Variants in AFM observed in about 807,000 individuals in gnomAD.
AFM encodes the protein alpha-Alb.
AFM carries 82 observed loss-of-function variants against 68.7 expected under a neutral mutation model. The ratio of observed to expected loss-of-function variants is 1.19; its 90% CI spans 1.00 to 1.43. AFM has a LOEUF of 1.43. Among genes scored for constraint, AFM ranks in the 40% most tolerant of loss-of-function variants. The pLI is 0.00. For missense variants in AFM, 772 were observed against 701.8 expected (o/e 1.10, Z -1.13); for synonymous variants, 250 against 234.2 (o/e 1.07, Z -0.61).
chr4:73,500,303 G>A lies in AFM; in HGVS notation c.1646+76G>A, dbSNP rs114916014. On this transcript the variant is annotated intron_variant, in intron 12 of 14. Coordinates refer to ENST00000226355, the MANE Select transcript of AFM (RefSeq NM_001133.2). ...ATGTATTAGTGAGAAGGTTTATCTAGTGGATATGTCTTTTTGATATCACAA... is the reference window on the plus strand; with the variant it reads ...ATGTATTAGTGAGAAGGTTTATCTAATGGATATGTCTTTTTGATATCACAA... 4.4e-3 allele frequency: 5,518 copies of A among 1,254,496 alleles called. 22 individuals are homozygous for A. The highest frequency in any genetic ancestry group is 5.5e-3 in the Non-Finnish European group (4,908 of 896,190). 77.7% of individuals were successfully genotyped at this position (1,254,496 alleles called of 1,614,324 possible).
intron 11 of AFM, among the ~76,000 whole-genome samples, chr4:73,499,772 G>A (rs187693078): frequency 1.3e-5 from 2 of 152,196 alleles, no homozygotes; most frequent in African/African-American, 4.8e-5. Flanking sequence ...ATGCCACCAA[G>A]AAATTAATTT....
chr4:73,486,152 A>T, intron 4 of AFM, 79 bp downstream of exon 4: 1 of 1,168,532 alleles, frequency 8.6e-7, no homozygotes, highest in Non-Finnish European at 1.2e-6. Context: ...TCAAATAAAT[A>T]TGGCTGGGTT....
At chr4:73,487,192 A>G (rs752982116) in intron 5 of AFM, 93 bp downstream of exon 5, 120 of 1,359,950 alleles carry the variant, frequency 8.8e-5, no homozygotes, top group Non-Finnish European at 1.1e-4. Context: ...AGGCTTGCTT[A>G]CCATATATGA....
chr4:73,489,684 C>T (rs1721012498), intron 7 of AFM, among the ~76,000 whole-genome samples: 1 of 152,116 alleles, frequency 6.6e-6, no homozygotes, highest in African/African-American at 2.4e-5. Context: ...AAGTGATTTT[C>T]CAAGGAAAAG....
chr4:73,491,649 T>C (rs956280769), intron 7 of AFM, among the ~76,000 whole-genome samples: 2 of 152,200 alleles, frequency 1.3e-5, no homozygotes, highest in Non-Finnish European at 2.9e-5. Flanking sequence ...GTACAGCCTA[T>C]TTTTTCATAA....
At chr4:73,482,004 A>G (rs1720728232) in intron 1 of AFM, 141 bp downstream of exon 1, 2 of 612,934 alleles carry the variant, frequency 3.3e-6, no homozygotes, top group South Asian at 4.2e-5. Flanking sequence ...CCAGTTATCC[A>G]AAACTAACCT....
intron 4 of AFM, 130 bp downstream of exon 4, chr4:73,486,203 A>G: frequency 1.3e-6 from 1 of 797,096 alleles, no homozygotes; most frequent in Non-Finnish European, 2.0e-6. Context: ...TTCAAAACAT[A>G]CTGTGTGTCA....
At chr4:73,495,230 T>C in intron 8 of AFM, 70 bp from the exon 9 acceptor site, 1 of 1,438,500 alleles carries the variant, frequency 7.0e-7, no homozygotes, top group Non-Finnish European at 9.3e-7. Context: ...CTGACTGGAT[T>C]ACAAAATAGT....
intron 1 of AFM, among the ~76,000 whole-genome samples, chr4:73,482,582 G>C (rs557923117): frequency 6.6e-6 from 1 of 152,278 alleles, no homozygotes; most frequent in East Asian, 1.9e-4. Context: ...TCATTTCTGA[G>C]TTTTCCTGCT....
At chr4:73,485,590 A>AGAAGAGGAAGAGGAAGAG (rs144414208) in intron 3 of AFM, among the ~76,000 whole-genome samples, 1 of 137,390 alleles carries the variant, frequency 7.3e-6, no homozygotes, top group Non-Finnish European at 1.5e-5. Flanking sequence ...AAGGAGAAGG[A>AGAAGAGGAAGAGGAAGAG]GAAGAGGAAG....
chr4:73,490,153 C>T (rs553043991), intron 7 of AFM, among the ~76,000 whole-genome samples: 2 of 91,790 alleles, frequency 2.2e-5, no homozygotes, highest in South Asian at 8.7e-4. Flanking sequence ...AGCTATAATC[C>T]CAACACCCTC....
At chr4:73,501,076 C>G (rs893299670) in intron 12 of AFM, among the ~76,000 whole-genome samples, 5 of 152,082 alleles carry the variant, frequency 3.3e-5, no homozygotes, top group Non-Finnish European at 7.4e-5. Context: ...AAAATGTACT[C>G]TAAAATGTAC....
intron 4 of AFM, among the ~76,000 whole-genome samples, chr4:73,486,390 A>G (rs932052739): frequency 1.3e-5 from 2 of 152,198 alleles, no homozygotes; most frequent in African/African-American, 4.8e-5. Context: ...CCCAAGGGGA[A>G]GTTGCTGTTT....
Position 73,488,710 on chromosome 4 carries a change from A to C in AFM, c.794A>C (p.Asn265Thr), listed in dbSNP as rs753536313. ...LISLVEDVSS[N>T]YDGCCEGDVV... is the part of the protein sequence containing the mutation. ...TCTCTTGTAGAAGATGTTTCTTCCA[A>C]CTATGATGGATGCTGTGAAGGGGAT... is the stretch of plus-strand genomic sequence containing the variant. Residue 265 changes from asparagine (N) to threonine (T), a missense_variant, in exon 7 of 15, where the codon AAC becomes ACC. Asn to Thr is a moderately conservative substitution (Grantham distance 65). Coordinates refer to ENST00000226355, the MANE Select transcript of AFM (RefSeq NM_001133.2). The C allele has an allele frequency of 6.2e-7, 1 of 1,613,186 alleles. No homozygotes were observed. Among genetic ancestry groups the C allele is most frequent in the African/African-American group, 1.3e-5 (1 of 74,910 alleles).
intron 10 of AFM, among the ~76,000 whole-genome samples, chr4:73,498,473 G>C (rs1577980665): frequency 6.6e-6 from 1 of 152,090 alleles, no homozygotes; most frequent in African/African-American, 2.4e-5. Context: ...TTTTGGTAGA[G>C]ATGGCGTTTT....
intron 9 of AFM, among the ~76,000 whole-genome samples, chr4:73,496,698 A>G (rs1721268290): frequency 6.6e-6 from 1 of 152,142 alleles, no homozygotes; most frequent in Admixed American, 6.5e-5. Flanking sequence ...TTTTTTCCAT[A>G]TGATTTTAGC....
chr4:73,487,099 G>A lies in AFM; in HGVS notation c.615G>A (p.Arg205=), dbSNP rs373086499. 1.6e-5 allele frequency: 26 copies of A among 1,613,644 alleles called. No homozygotes were observed. Among genetic ancestry groups the A allele is most frequent in the Middle Eastern group, 1.6e-4 (1 of 6,084 alleles). Reference sequence around the variant, plus strand: ...ACAAAGTCAACTGCCTTCAAACAAGGGTGGGTATAGCATTTGTTCCATGAA... The same window carrying A: ...ACAAAGTCAACTGCCTTCAAACAAGAGTGGGTATAGCATTTGTTCCATGAA... ...EQNKVNCLQT[R]AIPVTQYLKA... The change falls in exon 5 of 15, where the codon AGG becomes AGA. Residue 205 remains arginine (R), a splice_region_variant and synonymous_variant. Coordinates refer to ENST00000226355, the MANE Select transcript of AFM (RefSeq NM_001133.2).
rs1277007282 is a variant in AFM, at chr4:73,491,869, C to G, written c.844-3C>G. 1.2e-6 allele frequency: 2 copies of G among 1,609,810 alleles called. No individual in the cohort carries two copies. Among genetic ancestry groups the G allele is most frequent in the African/African-American group, 1.3e-5 (1 of 74,728 alleles). ...AATAATCTCTCATTCTTATTTGGTA[C>G]AGAGCAAGGTTATGAACCATATTTG... On this transcript the variant is annotated splice_region_variant and splice_polypyrimidine_tract_variant and intron_variant, in intron 7 of 14. Coordinates refer to ENST00000226355, the MANE Select transcript of AFM (RefSeq NM_001133.2).
chr4:73,484,785 A>T (rs1224267103), intron 3 of AFM, among the ~76,000 whole-genome samples: 1 of 151,724 alleles, frequency 6.6e-6, no homozygotes. Context: ...GATCCTCCCA[A>T]CTTGGCCTCC....
Sources: gnomAD v4.1 joint callset for allele counts (sites outside exome capture counted in the v4.1 genomes callset) on GRCh38, gnomAD v4.1.1 for gene constraint, MANE v1.5 for transcripts, NCBI Gene and HGNC (gene_info 2026-07-23, HGNC 2026-07-21) for gene names.